Variants in DAB1 observed in about 807,000 individuals in gnomAD.
DAB1 encodes disabled homolog 1.
In DAB1, 15 loss-of-function variants were observed where a neutral mutation model predicts 64.6. The observed-to-expected ratio is 0.23, with a 90% CI of 0.16 to 0.36. The LOEUF (loss-of-function observed/expected upper bound fraction) is 0.36, where lower values mean the gene tolerates loss of function less well. Ranked by LOEUF, DAB1 falls within the 10% of genes least tolerant of loss-of-function variation. The pLI, the probability that DAB1 is intolerant of heterozygous loss-of-function variation, is 1.00. For synonymous variants in DAB1, 235 were observed against 251.9 expected (o/e 0.93, Z 0.64); for missense variants, 596 against 706.7 (o/e 0.84, Z 1.78).
chr1:58,460,801 T>A (rs1353482292), intron 3 of DAB1, among the ~76,000 whole-genome samples: 1 of 152,220 alleles, frequency 6.6e-6, no homozygotes, highest in Non-Finnish European at 1.5e-5. Flanking sequence ...TTAAAATCTA[T>A]GAAGGTTTAC....
At chr1:57,828,762 T>C (rs1442585842) in intron 1 of DAB1, among the ~76,000 whole-genome samples, 1 of 152,242 alleles carries the variant, frequency 6.6e-6, no homozygotes, top group Non-Finnish European at 1.5e-5. Flanking sequence ...AGGTGGAATC[T>C]GAGAAAAACT....
chr1:58,275,021 G>C (rs1172798699), intron 4 of DAB1, among the ~76,000 whole-genome samples: 1 of 152,232 alleles, frequency 6.6e-6, no homozygotes, highest in African/African-American at 2.4e-5. Context: ...CGGCCATCTT[G>C]GCTCCTCCCC....
chr1:58,259,703 G>T (rs563075175), intron 4 of DAB1, among the ~76,000 whole-genome samples: 1 of 152,322 alleles, frequency 6.6e-6, no homozygotes, highest in Admixed American at 6.5e-5. Flanking sequence ...GGAAATTAGA[G>T]AGGGGATGGG....
rs201087595 is a variant in DAB1, at chr1:57,853,711, A to AT, written n.88-27257dup. 5.1e-3 allele frequency among the ~76,000 whole-genome samples: 783 copies of AT among 152,220 alleles called. 4 individuals are homozygous for AT. The highest frequency in any genetic ancestry group is 0.017 in the African/African-American group (698 of 41,548). On this transcript the variant is annotated intron_variant and non_coding_transcript_variant, in intron 1 of 1. Transcript: ENST00000477280. Reference sequence around the variant, plus strand: ...CTAGAATGAGTTGTTCCCTTTACTGATTTTTTTCCCCAAGAAGCAACAAGA... The same window carrying AT: ...CTAGAATGAGTTGTTCCCTTTACTGATTTTTTTTCCCCAAGAAGCAACAAGA...
intron 5 of DAB1, among the ~76,000 whole-genome samples, chr1:58,083,605 A>G (rs1421273012): frequency 1.3e-5 from 2 of 152,266 alleles, no homozygotes; most frequent in Non-Finnish European, 2.9e-5. Context: ...TTAATTGCGC[A>G]CTTAACAAAT....
intron 1 of DAB1, among the ~76,000 whole-genome samples, chr1:57,309,532 C>T (rs1262363862): frequency 6.6e-6 from 1 of 152,164 alleles, no homozygotes; most frequent in African/African-American, 2.4e-5. Flanking sequence ...TACCAAAACT[C>T]AGGTAACATA....
At chr1:58,031,541 T>C (rs1646969878) in intron 5 of DAB1, among the ~76,000 whole-genome samples, 3 of 152,320 alleles carry the variant, frequency 2.0e-5, no homozygotes, top group South Asian at 4.1e-4. Flanking sequence ...ATCGCCAGGA[T>C]GGCTTCAGCC....
chr1:57,829,363 G>A (rs937467043), intron 1 of DAB1, among the ~76,000 whole-genome samples: 4 of 152,158 alleles, frequency 2.6e-5, no homozygotes, highest in Non-Finnish European at 5.9e-5. Context: ...ACGTAGCTTT[G>A]ATTTTGGCAG....
intron 5 of DAB1, among the ~76,000 whole-genome samples, chr1:57,958,662 T>G (rs1645446679): frequency 6.6e-6 from 1 of 152,182 alleles, no homozygotes; most frequent in Non-Finnish European, 1.5e-5. Flanking sequence ...AGAAATGTAT[T>G]GTTTCACAGT....
intron 4 of DAB1, among the ~76,000 whole-genome samples, chr1:58,178,218 T>G (rs1039418812): frequency 3.3e-5 from 5 of 152,214 alleles, no homozygotes; most frequent in African/African-American, 1.2e-4. Context: ...TATTTGCCTG[T>G]ATCTGCTCCT....
intron 3 of DAB1, among the ~76,000 whole-genome samples, chr1:58,374,158 T>C (rs949769685): frequency 8.8e-6 from 1 of 113,674 alleles, no homozygotes; most frequent in Non-Finnish European, 1.9e-5. Flanking sequence ...TAGTTTCTTT[T>C]GCTGTGCAGA....
At chr1:57,436,653 T>C (rs150465461) in intron 7 of DAB1, among the ~76,000 whole-genome samples, 1 of 152,192 alleles carries the variant, frequency 6.6e-6, no homozygotes, top group Non-Finnish European at 1.5e-5. Flanking sequence ...AATGCGAGAA[T>C]GGTTACACCA....
At chr1:58,110,967 A>T (rs766057914) in intron 5 of DAB1, among the ~76,000 whole-genome samples, 9 of 152,154 alleles carry the variant, frequency 5.9e-5, no homozygotes, top group Non-Finnish European at 1.3e-4. Flanking sequence ...TTAGGGTAAG[A>T]ATTTATAAGC....
chr1:58,009,168 T>A (rs763800919), intron 5 of DAB1, among the ~76,000 whole-genome samples: 1 of 152,184 alleles, frequency 6.6e-6, no homozygotes, highest in African/African-American at 2.4e-5. Context: ...TACCCCACTC[T>A]ACAGATGAGG....
intron 4 of DAB1, among the ~76,000 whole-genome samples, chr1:58,153,848 C>T (rs1655077590): frequency 6.7e-6 from 1 of 148,310 alleles, no homozygotes; most frequent in African/African-American, 2.5e-5. Context: ...CACCCAGTTT[C>T]TCATCTAGTG....
intron 1 of DAB1, among the ~76,000 whole-genome samples, chr1:57,414,546 T>C (rs952178128): frequency 6.6e-6 from 1 of 152,200 alleles, no homozygotes; most frequent in Non-Finnish European, 1.5e-5. Context: ...TGTGACTCAC[T>C]TGATTGCAAT....
At chr1:57,010,581 T>C in intron 14 of DAB1, 99 bp downstream of exon 14, 2 of 569,576 alleles carry the variant, frequency 3.5e-6, no homozygotes, top group Admixed American at 2.9e-5. Context: ...CAAGGAGACA[T>C]GGTGCAAACA....
chr1:57,024,774 T>C (rs11799770), intron 10 of DAB1, among the ~76,000 whole-genome samples: 9,487 of 152,266 alleles, frequency 0.062, 975 homozygotes, highest in African/African-American at 0.21. Context: ...TTCAACCCTT[T>C]CTAGCTGCAT....
chr1:57,530,835 G>T (rs1488637230), intron 7 of DAB1, among the ~76,000 whole-genome samples: 1 of 152,112 alleles, frequency 6.6e-6, no homozygotes, highest in Non-Finnish European at 1.5e-5. Flanking sequence ...GCATTAAAAA[G>T]CATGGAATAA....
Sources: gnomAD v4.1 joint callset for allele counts (sites outside exome capture counted in the v4.1 genomes callset) on GRCh38, gnomAD v4.1.1 for gene constraint, MANE v1.5 for transcripts, NCBI Gene and HGNC (gene_info 2026-07-23, HGNC 2026-07-21) for gene names.